ARL6IP5: variants seen among roughly 807,000 people sequenced by gnomAD.
The protein encoded by ARL6IP5 is ARF like GTPase 6 interacting protein 5.
In ARL6IP5, 6 loss-of-function variants were observed where a neutral mutation model predicts 13.0. The ratio of observed to expected loss-of-function variants is 0.46; its 90% CI spans 0.25 to 0.91. The LOEUF (loss-of-function observed/expected upper bound fraction) is 0.91. ARL6IP5 is among the 40% of genes least tolerant of loss of function. The pLI, the probability that ARL6IP5 is intolerant of heterozygous loss-of-function variation, is 0.17. For missense variants in ARL6IP5, 208 were observed against 248.8 expected (o/e 0.84, Z 1.10); for synonymous variants, 91 against 91.9 (o/e 0.99, Z 0.06).
rs2092319533 is a variant in ARL6IP5, at chr3:69,105,389, C to T, written c.*753C>T. 1.3e-5 allele frequency: 2 copies of T among 152,122 alleles called. No individual in the cohort carries two copies. The highest frequency in any genetic ancestry group is 2.4e-5 in the African/African-American group (1 of 41,380). The allele number at this position is 152,122 out of a possible 1,614,324, so 9.4% of individuals were successfully genotyped here. On this transcript the variant is annotated 3_prime_UTR_variant, in exon 3 of 3. Transcript: ENST00000273258. The stretch of plus-strand genomic sequence containing the variant: ...CAAACAGACAAAAAATAAAACAAAA[C>T]TTGAGTTCTATTTACCTTGCACATT...
At chr3:69,095,900 C>T (rs556038720) in intron 1 of ARL6IP5, among the ~76,000 whole-genome samples, 1 of 152,142 alleles carries the variant, frequency 6.6e-6, no homozygotes, top group African/African-American at 2.4e-5. Context: ...AAGTTTTGTC[C>T]TAAAAGTCTT....
At chr3:69,096,352 C>G (rs1054164211) in intron 1 of ARL6IP5, among the ~76,000 whole-genome samples, 1 of 152,088 alleles carries the variant, frequency 6.6e-6, no homozygotes, top group Non-Finnish European at 1.5e-5. Flanking sequence ...ACTTTAGGCA[C>G]TCAACCTAAA....
chr3:69,101,793 T>C, intron 1 of ARL6IP5, 46 bp from the exon 2 acceptor site: 1 of 1,504,472 alleles, frequency 6.6e-7, no homozygotes, highest in Non-Finnish European at 9.2e-7. Flanking sequence ...TTGCTACTTC[T>C]ATTGCTGAAC....
At chr3:69,086,683 C>A (rs906880898) in intron 1 of ARL6IP5, among the ~76,000 whole-genome samples, 2 of 150,892 alleles carry the variant, frequency 1.3e-5, no homozygotes, top group Admixed American at 6.6e-5. Flanking sequence ...TCCCTCAGCT[C>A]TGTGCTTCAG....
At chr3:69,094,889 T>TC (rs1045076782) in intron 1 of ARL6IP5, among the ~76,000 whole-genome samples, 5 of 151,884 alleles carry the variant, frequency 3.3e-5, no homozygotes, top group African/African-American at 1.2e-4. Context: ...TGTGAGATTT[T>TC]TTTTTCCCCT....
Position 69,085,152 on chromosome 3 carries a change from C to G in ARL6IP5, c.105C>G (p.Arg35=). ...DFRDISKWNN[R]VVSNLLYYQT... is the part of the protein sequence containing the mutation. ...GGGACATTTCCAAATGGAACAACCG[C>G]GTAGTGAGCAACCTGCTCTATTACC... The change falls in exon 1 of 3, where the codon CGC becomes CGG. Residue 35 remains arginine, a synonymous_variant. Coordinates refer to ENST00000273258, the MANE Select transcript of ARL6IP5 (RefSeq NM_006407.4). 1.2e-6 allele frequency: 2 copies of G among 1,614,192 alleles called. No homozygotes were observed. The highest frequency in any genetic ancestry group is 1.7e-6 in the Non-Finnish European group (2 of 1,180,028).
At position 69,104,098 on chromosome 3, in the gene ARL6IP5, C is replaced by T. The variant is rs192195552; in HGVS notation, c.395-366C>T. Among the ~76,000 whole-genome samples the T allele has an allele frequency of 3.4e-3, 511 of 152,182 alleles. 2 individuals are homozygous for T. Among genetic ancestry groups the T allele is most frequent in the South Asian group, 0.015 (72 of 4,816 alleles). ...GAGCAAGAGTTCTTTTCTGGAAAGC[C>T]TCGGGTAAGTTGATTTTTAAGTAGG... On this transcript the variant is annotated intron_variant, in intron 2 of 2. Transcript: ENST00000273258.
rs2092243634 is a variant in ARL6IP5 at position 69,085,167 on chromosome 3, G to T, written c.120G>T (p.Leu40=). 1.2e-6 allele frequency: 2 copies of T among 1,614,210 alleles called. No individual in the cohort carries two copies. Among genetic ancestry groups the T allele is most frequent in the Non-Finnish European group, 1.7e-6 (2 of 1,180,042 alleles). Residue 40 remains leucine (L), a synonymous_variant, in exon 1 of 3, where the codon CTG becomes CTT. Coordinates refer to ENST00000273258, the MANE Select transcript of ARL6IP5 (RefSeq NM_006407.4). ...GGAACAACCGCGTAGTGAGCAACCT[G>T]CTCTATTACCAGACCAACTACCTGG... ...SKWNNRVVSN[L]LYYQTNYLVV... is the part of the protein sequence containing the mutation.
chr3:69,087,573 T>C (rs1231906460), intron 1 of ARL6IP5, among the ~76,000 whole-genome samples: 1 of 152,230 alleles, frequency 6.6e-6, no homozygotes, highest in Non-Finnish European at 1.5e-5. Flanking sequence ...AGAATCCATT[T>C]TTCACTGTGA....
intron 2 of ARL6IP5, 110 bp from the exon 3 acceptor site, chr3:69,104,354 C>A: frequency 9.1e-7 from 1 of 1,101,636 alleles, no homozygotes; most frequent in Non-Finnish European, 1.3e-6. Context: ...GCAGACTGGA[C>A]TGTGGCTAAC....
chr3:69,095,785 G>A (rs75910618), intron 1 of ARL6IP5, among the ~76,000 whole-genome samples: 5,450 of 152,194 alleles, frequency 0.036, 303 homozygotes, highest in East Asian at 0.27. Flanking sequence ...ATGATCCACC[G>A]CACCCAGCCC....
At chr3:69,101,728 A>C (rs2092305801) in intron 1 of ARL6IP5, 111 bp from the exon 2 acceptor site, 1 of 851,542 alleles carries the variant, frequency 1.2e-6, no homozygotes, top group Non-Finnish European at 1.9e-6. Flanking sequence ...AATTTAGATA[A>C]AGTATTAAAG....
At chr3:69,101,717 CA>C in intron 1 of ARL6IP5, 121 bp from the exon 2 acceptor site, 1 of 821,794 alleles carries the variant, frequency 1.2e-6, no homozygotes, top group Admixed American at 2.4e-5. Flanking sequence ...TCAAATGAGA[CA>C]ATTTAGATAA....
chr3:69,092,149 C>G (rs2092269883), intron 1 of ARL6IP5, among the ~76,000 whole-genome samples: 1 of 152,104 alleles, frequency 6.6e-6, no homozygotes, highest in Admixed American at 6.6e-5. Context: ...AACCTTCAGG[C>G]TAACAACTTC....
In ARL6IP5 at chr3:69,088,692, C is replaced by T. The variant is rs546827755; in HGVS notation, c.176+3469C>T. Reference sequence around the variant, plus strand: ...CATGAATAACAGGCTAGGAAACTTGCGTTTTGCTGGAAATGCCTTTGGATC... The same window carrying T: ...CATGAATAACAGGCTAGGAAACTTGTGTTTTGCTGGAAATGCCTTTGGATC... On this transcript the variant is annotated intron_variant, in intron 1 of 2. Coordinates refer to ENST00000273258, the MANE Select transcript of ARL6IP5 (RefSeq NM_006407.4). 7.1e-4 allele frequency among the ~76,000 whole-genome samples: 108 copies of T among 152,306 alleles called. No individual in the cohort carries two copies. The Middle Eastern group carries it at 0.01, about 14-fold the overall frequency.
chr3:69,100,896 C>G (rs1330556839), intron 1 of ARL6IP5, among the ~76,000 whole-genome samples: 1 of 151,984 alleles, frequency 6.6e-6, no homozygotes, highest in African/African-American at 2.4e-5. Context: ...ACTGTTTATT[C>G]TGTCTGAATG....
chr3:69,094,987 C>T (rs1000233848), intron 1 of ARL6IP5, among the ~76,000 whole-genome samples: 3 of 152,086 alleles, frequency 2.0e-5, no homozygotes, highest in African/African-American at 7.2e-5. Context: ...TAATAGCCAC[C>T]TTGTTTCAGA....
rs1215826983 is a variant in ARL6IP5, at chr3:69,084,965, C to G, written c.-83C>G. 3 of 1,531,270 alleles carry G rather than the reference C, an allele frequency of 2.0e-6. No individual in the cohort carries two copies. The African/African-American group carries it at 4.1e-5, about 21-fold the overall frequency. The allele number at this position is 1,531,270 out of a possible 1,614,324, so 94.9% of individuals were successfully genotyped here. ...AAGCCGACCGAGACGGAGCCGCTGT[C>G]AACTCTCCAACTCAGCTCAGCTGAT... On this transcript the variant is annotated 5_prime_UTR_variant, in exon 1 of 3. Coordinates refer to ENST00000273258, the MANE Select transcript of ARL6IP5 (RefSeq NM_006407.4).
intron 1 of ARL6IP5, chr3:69,089,669 C>A: frequency 2.8e-6 from 1 of 352,168 alleles, no homozygotes. Flanking sequence ...TATTTTCTGC[C>A]ATTAGAACTC....
Sources: allele counts gnomAD v4.1 joint callset (sites outside exome capture counted in the v4.1 genomes callset), GRCh38; gene constraint gnomAD v4.1.1; transcripts MANE v1.5; gene names NCBI Gene and HGNC (gene_info 2026-07-23, HGNC 2026-07-21).